The following ADAMTSL3 variants were observed in gnomAD, a reference collection of about 807,000 sequenced individuals.
The protein encoded by ADAMTSL3 is ADAMTS-like protein 3.
In ADAMTSL3, 128 loss-of-function variants were observed where a neutral mutation model predicts 201.7. The ratio of observed to expected loss-of-function variants is 0.63; its 90% confidence interval spans 0.55 to 0.73. The LOEUF (loss-of-function observed/expected upper bound fraction) is 0.73. ADAMTSL3 is among the 30% of genes least tolerant of loss of function. The pLI, the probability that ADAMTSL3 is intolerant of heterozygous loss-of-function variation, is 0.00. For synonymous variants in ADAMTSL3, 738 were observed against 748.4 expected, an observed-to-expected ratio of 0.99 and a Z score of 0.23; for missense variants, 1,990 against 2,119.6, an observed-to-expected ratio of 0.94 and a Z score of 1.20.
Position 84,014,630 on chromosome 15 carries a change from G to T in ADAMTSL3, c.4062G>T (p.Leu1354Phe). 1 of 1,613,248 alleles carries T rather than the reference G, an allele frequency of 6.2e-7. No homozygotes were observed. The highest frequency in any genetic ancestry group is 8.5e-7 in the Non-Finnish European group (1 of 1,179,792). ...TGCTTTTCAATGGATCCCTGTTGTT[G>T]CAGAATGTTTCCCTTGAAAATGAAG... ...VSLLFNGSLL[L>F]QNVSLENEGT... The change falls in exon 24 of 30, where the codon TTG (leucine) becomes TTT (phenylalanine). Residue 1354 changes from leucine to phenylalanine, a missense_variant. Leu to Phe is a conservative substitution (Grantham distance 22). Transcript: ENST00000286744.
intron 3 of ADAMTSL3, among the ~76,000 whole-genome samples, chr15:83,724,201 T>G (rs1203183354): frequency 1.3e-5 from 2 of 151,920 alleles, no homozygotes; most frequent in Admixed American, 6.6e-5. Context: ...TGGGTTCAAG[T>G]GATTCTCCCG....
intron 5 of ADAMTSL3, among the ~76,000 whole-genome samples, chr15:83,815,264 G>T (rs145760256): frequency 6.6e-6 from 1 of 152,236 alleles, no homozygotes; most frequent in East Asian, 1.9e-4. Flanking sequence ...TTAACTCTTG[G>T]ATAACAATTC....
chr15:83,955,919 C>T (rs974188033), intron 19 of ADAMTSL3, among the ~76,000 whole-genome samples: 1 of 152,002 alleles, frequency 6.6e-6, no homozygotes, highest in Non-Finnish European at 1.5e-5. Flanking sequence ...CCCCAGCTGC[C>T]CCATCTGGTG....
chr15:83,835,567 A>G (rs1437792914), intron 6 of ADAMTSL3, among the ~76,000 whole-genome samples: 1 of 152,176 alleles, frequency 6.6e-6, no homozygotes, highest in African/African-American at 2.4e-5. Context: ...GACCAGATAG[A>G]GAGTGATTCT....
At chr15:83,956,898 T>G (rs546562510) in intron 19 of ADAMTSL3, among the ~76,000 whole-genome samples, 11 of 152,290 alleles carry the variant, frequency 7.2e-5, no homozygotes, top group African/African-American at 2.6e-4. Flanking sequence ...CAACATTTAC[T>G]GAGCATTGCT....
At chr15:83,846,712 G>A (rs898474611) in intron 7 of ADAMTSL3, among the ~76,000 whole-genome samples, 2 of 152,148 alleles carry the variant, frequency 1.3e-5, no homozygotes, top group African/African-American at 4.8e-5. Context: ...CTTCCCAGGT[G>A]GCCACTGGTG....
At chr15:83,815,166 T>C (rs1408310614) in intron 5 of ADAMTSL3, among the ~76,000 whole-genome samples, 1 of 152,194 alleles carries the variant, frequency 6.6e-6, no homozygotes, top group East Asian at 1.9e-4. Context: ...TGACTGACAC[T>C]TCCTTTTTAT....
chr15:83,657,705 G>A (rs1163686376), intron 2 of ADAMTSL3, among the ~76,000 whole-genome samples: 1 of 152,234 alleles, frequency 6.6e-6, no homozygotes, highest in Admixed American at 6.5e-5. Context: ...TGAAGCAAGC[G>A]CAGTGCCTGT....
At chr15:83,674,788 T>TATA (rs1555428965) in intron 2 of ADAMTSL3, among the ~76,000 whole-genome samples, 1 of 138,820 alleles carries the variant, frequency 7.2e-6, no homozygotes, top group African/African-American at 2.6e-5. Flanking sequence ...TATATATATA[T>TATA]AAATCTTGCT....
At chr15:83,835,750 A>G (rs73439443) in intron 6 of ADAMTSL3, among the ~76,000 whole-genome samples, 93 of 152,348 alleles carry the variant, frequency 6.1e-4, no homozygotes, top group African/African-American at 1.1e-3. Context: ...TCCAAAATCA[A>G]TCACTCTTAA....
intron 2 of ADAMTSL3, among the ~76,000 whole-genome samples, chr15:83,693,753 A>G (rs142245419): frequency 2.0e-5 from 3 of 152,270 alleles, no homozygotes; most frequent in African/African-American, 4.8e-5. Context: ...CCAAGTTAGA[A>G]TATGAGCTCC....
intron 5 of ADAMTSL3, among the ~76,000 whole-genome samples, chr15:83,817,879 C>G (rs527594130): frequency 6.6e-6 from 1 of 152,148 alleles, no homozygotes; most frequent in South Asian, 2.1e-4. Flanking sequence ...AACCCCATCT[C>G]TAATAAAAAT....
At position 83,704,378 on chromosome 15, in the gene ADAMTSL3, T is replaced by G. The variant is rs563135038; in HGVS notation, c.70-11T>G. The G allele has an allele frequency of 1.2e-6, 2 of 1,614,066 alleles. No individual in the cohort carries two copies. The highest frequency in any genetic ancestry group is 1.7e-6 in the Non-Finnish European group (2 of 1,180,016). On this transcript the variant is annotated splice_polypyrimidine_tract_variant and intron_variant, in intron 2 of 29. Coordinates refer to ENST00000286744, the MANE Select transcript of ADAMTSL3 (RefSeq NM_207517.3). ...GAGCCTTATTTGTGACCAAATGATC[T>G]TGTTTTTCAGACCACAGCTGAGAAA...
At chr15:83,897,475 C>T (rs1237666013) in intron 13 of ADAMTSL3, among the ~76,000 whole-genome samples, 1 of 152,096 alleles carries the variant, frequency 6.6e-6, no homozygotes, top group Non-Finnish European at 1.5e-5. Flanking sequence ...TTTTTATTGA[C>T]AGTTCAGAAA....
At chr15:83,660,813 T>C (rs2141358451) in intron 2 of ADAMTSL3, among the ~76,000 whole-genome samples, 1 of 152,066 alleles carries the variant, frequency 6.6e-6, no homozygotes, top group East Asian at 1.9e-4. Context: ...ATTTTGTCTT[T>C]TGTTGCCATT....
At chr15:83,963,858 A>C (rs2067025055) in intron 19 of ADAMTSL3, among the ~76,000 whole-genome samples, 1 of 152,218 alleles carries the variant, frequency 6.6e-6, no homozygotes, top group Non-Finnish European at 1.5e-5. Flanking sequence ...GGTGATACTC[A>C]GGCAAACCAG....
Position 84,025,304 on chromosome 15 carries a change from G to C in ADAMTSL3, c.4524G>C (p.Val1508=). The change falls in exon 27 of 30, where the codon GTG becomes GTC. Residue 1508 remains valine (V), a synonymous_variant. Coordinates refer to ENST00000286744, the MANE Select transcript of ADAMTSL3 (RefSeq NM_207517.3). ...SCGEGYHSRQ[V]TCKRTKANGT... ...GTGAAGGATACCACAGTCGGCAGGTGACGTGCAAGCGGACAAAAGCCAATG... is the reference window on the plus strand; with the variant it reads ...GTGAAGGATACCACAGTCGGCAGGTCACGTGCAAGCGGACAAAAGCCAATG... 1 of 1,614,136 alleles carries C rather than the reference G, an allele frequency of 6.2e-7. No individual in the cohort carries two copies. Among genetic ancestry groups the C allele is most frequent in the South Asian group, 1.1e-5 (1 of 91,064 alleles).
At chr15:83,916,502 T>C (rs1300874655) in intron 16 of ADAMTSL3, among the ~76,000 whole-genome samples, 2 of 152,356 alleles carry the variant, frequency 1.3e-5, no homozygotes, top group East Asian at 3.9e-4. Context: ...AAAGTAATAT[T>C]TTTAATTTCT....
intron 15 of ADAMTSL3, among the ~76,000 whole-genome samples, chr15:83,909,487 A>T (rs1249959076): frequency 6.6e-6 from 1 of 152,210 alleles, no homozygotes; most frequent in Non-Finnish European, 1.5e-5. Context: ...GTTATCTTCA[A>T]TATTGGATTA....
Sources: allele counts gnomAD v4.1 joint callset (sites outside exome capture counted in the v4.1 genomes callset), GRCh38; gene constraint gnomAD v4.1.1; transcripts MANE v1.5; gene names NCBI Gene and HGNC (gene_info 2026-07-23, HGNC 2026-07-21).